PGBD2: variants seen among roughly 807,000 people sequenced by gnomAD.
The protein encoded by PGBD2 is piggyBac transposable element-derived protein 2.
PGBD2 carries 6 observed loss-of-function variants against 8.1 expected under a neutral mutation model. That is an observed-to-expected ratio of 0.74 (90% CI 0.40 to 1.46). The LOEUF (loss-of-function observed/expected upper bound fraction) is 1.46. Among genes scored for constraint, PGBD2 ranks in the 40% most tolerant of loss-of-function variants. The pLI is 0.02. For synonymous variants in PGBD2, 318 were observed against 272.2 expected, an observed-to-expected ratio of 1.17 and a Z score of -1.66; for missense variants, 802 against 739.0, an observed-to-expected ratio of 1.09 and a Z score of -0.99.
At position 248,919,072 on chromosome 1, in the gene PGBD2, G is replaced by C. The variant is rs1202697268; in HGVS notation, c.*709G>C. On this transcript the variant is annotated 3_prime_UTR_variant, in exon 3 of 3. Transcript: ENST00000329291. ...GGGGTATCCATCTTGTCAAACACTT[G>C]TCCTTTGTGTTTCAAACAATCCAAT... The C allele has an allele frequency of 6.0e-6, 1 of 166,902 alleles. No individual in the cohort carries two copies. Among genetic ancestry groups the C allele is most frequent in the Non-Finnish European group, 1.5e-5 (1 of 68,080 alleles). 10.3% of individuals were successfully genotyped at this position (166,902 alleles called of 1,614,324 possible).
At chr1:248,914,912 T>C (rs1371816990) in intron 2 of PGBD2, among the ~76,000 whole-genome samples, 3 of 152,210 alleles carry the variant, frequency 2.0e-5, no homozygotes, top group African/African-American at 7.2e-5. Context: ...CTTGCCGTTC[T>C]GCAGATGTTG....
chr1:248,917,559 T>A lies in PGBD2; in HGVS notation c.975T>A (p.Asp325Glu), dbSNP rs1446338584. ...TTACCAAGCCAGACAGGAGCTTGGA[T>A]CTAGGAGGCAGTATGGTAATAAAAT... is the stretch of plus-strand genomic sequence containing the variant. ...TLFTKPDRSL[D>E]LGGSMVIKFV... is the part of the protein sequence containing the mutation. The change falls in exon 3 of 3, where the codon GAT becomes GAA. Residue 325 changes from aspartate (D) to glutamate (E), a missense_variant. By Grantham distance (45) the Asp-to-Glu change is conservative. Coordinates refer to ENST00000329291, the MANE Select transcript of PGBD2 (RefSeq NM_170725.3). The A allele has an allele frequency of 6.2e-7, 1 of 1,614,126 alleles. No individual in the cohort carries two copies. Among genetic ancestry groups the A allele is most frequent in the South Asian group, 1.1e-5 (1 of 91,086 alleles).
chr1:248,923,319 C>T (rs1479835104), downstream of PGBD2, among the ~76,000 whole-genome samples: 2 of 152,116 alleles, frequency 1.3e-5, no homozygotes, highest in East Asian at 3.8e-4. Flanking sequence ...TATATGCTTT[C>T]TTATTGCGTC....
chr1:248,874,677 C>T, the PGBD2 span, among the ~76,000 whole-genome samples: 1 of 152,132 alleles, frequency 6.6e-6, no homozygotes, highest in Admixed American at 6.5e-5. Flanking sequence ...CGGGTCAGGG[C>T]CGGTCCTAGC....
At chr1:248,877,346 A>G in the PGBD2 span, among the ~76,000 whole-genome samples, 1 of 152,222 alleles carries the variant, frequency 6.6e-6, no homozygotes, top group Non-Finnish European at 1.5e-5. Flanking sequence ...GTTTGTATAT[A>G]TTGTAGCCAA....
At chr1:248,900,860 A>T in the PGBD2 span, among the ~76,000 whole-genome samples, 1 of 152,356 alleles carries the variant, frequency 6.6e-6, no homozygotes, top group African/African-American at 2.4e-5. Flanking sequence ...TCAGCCCAAA[A>T]GCTTGTTAAG....
At chr1:248,874,247 T>G in the PGBD2 span, among the ~76,000 whole-genome samples, 1 of 152,226 alleles carries the variant, frequency 6.6e-6, no homozygotes, top group African/African-American at 2.4e-5. Context: ...GCATCATGTC[T>G]TCCCTGGTGG....
upstream of PGBD2, among the ~76,000 whole-genome samples, chr1:248,902,199 G>A (rs1661545838): frequency 6.6e-6 from 1 of 151,474 alleles, no homozygotes; most frequent in Non-Finnish European, 1.5e-5. Context: ...AACCCAGGAG[G>A]CGAAGGTTGC....
In PGBD2 at chr1:248,917,042, CAATT is replaced by C; in HGVS notation, c.463_466del (p.Asn155SerfsTer17). On this transcript the variant is annotated frameshift_variant, in exon 3 of 3. Transcript: ENST00000329291. LOFTEE classifies it low-confidence loss of function (END_TRUNC). ...TTTGAGTTGTTTTTTGATGAAGGAA[CAATT>C]AATTTCATTGTTAATGAAACCAATC... The C allele has an allele frequency of 6.2e-7, 1 of 1,613,658 alleles. No homozygotes were observed.
chr1:248,878,700 A>T, the PGBD2 span, among the ~76,000 whole-genome samples: 2 of 152,074 alleles, frequency 1.3e-5, no homozygotes, highest in Admixed American at 6.6e-5. Context: ...CCATTGTATA[A>T]CCCATTTATC....
the PGBD2 span, among the ~76,000 whole-genome samples, chr1:248,892,830 T>C: frequency 6.6e-6 from 1 of 152,202 alleles, no homozygotes; most frequent in Non-Finnish European, 1.5e-5. Context: ...GGTTGGAGAC[T>C]CAGGCTAACC....
In PGBD2 at chr1:248,907,251, C is replaced by T. The variant is rs545617986; in HGVS notation, c.-48+909C>T. Among the ~76,000 whole-genome samples, 420 of 152,374 alleles carry T rather than the reference C, an allele frequency of 2.8e-3. 1 individual carries two copies. Among genetic ancestry groups the T allele is most frequent in the African/African-American group, 8.8e-3 (367 of 41,590 alleles). On this transcript the variant is annotated intron_variant, in intron 1 of 2. Coordinates refer to ENST00000329291, the MANE Select transcript of PGBD2 (RefSeq NM_170725.3). Reference sequence around the variant, plus strand: ...GCACGTAGGCCACATTTATGTTTCTCTCTGCCCAAACATTTCAGTGGAATA... The same window carrying T: ...GCACGTAGGCCACATTTATGTTTCTTTCTGCCCAAACATTTCAGTGGAATA...
the PGBD2 span, among the ~76,000 whole-genome samples, chr1:248,880,703 A>G: frequency 1.3e-5 from 2 of 152,344 alleles, no homozygotes; most frequent in East Asian, 3.9e-4. Flanking sequence ...ATATCCAGAT[A>G]AAACTGTTAG....
chr1:248,885,416 C>G, the PGBD2 span, among the ~76,000 whole-genome samples: 1 of 151,892 alleles, frequency 6.6e-6, no homozygotes, highest in African/African-American at 2.4e-5. Context: ...GCTAGGACTA[C>G]AGGTGTGTGA....
At chr1:248,919,604 T>A (rs1662242284), downstream of PGBD2, 1 of 167,004 alleles carries the variant, frequency 6.0e-6, no homozygotes, top group African/African-American at 2.4e-5. Flanking sequence ...GGATGTATAC[T>A]TAGGAATGGG....
At chr1:248,887,260 C>G in the PGBD2 span, among the ~76,000 whole-genome samples, 2 of 152,206 alleles carry the variant, frequency 1.3e-5, no homozygotes, top group African/African-American at 4.8e-5. Flanking sequence ...AGCTTTCTCA[C>G]TAATGTCTAA....
At chr1:248,906,599 A>G (rs1432353641) in intron 1 of PGBD2, 1 of 88,984 alleles carries the variant, frequency 1.1e-5, no homozygotes, top group Non-Finnish European at 2.2e-5. Context: ...GGTGGGGACC[A>G]GGGCGGGGTC....
intron 1 of PGBD2, among the ~76,000 whole-genome samples, chr1:248,907,320 G>A (rs1278796062): frequency 6.6e-6 from 1 of 152,232 alleles, no homozygotes; most frequent in Non-Finnish European, 1.5e-5. Context: ...CTTGCCTCCT[G>A]CCATAGGGCA....
At chr1:248,907,062 C>T (rs1432294364) in intron 1 of PGBD2, among the ~76,000 whole-genome samples, 1 of 152,114 alleles carries the variant, frequency 6.6e-6, no homozygotes, top group Admixed American at 6.5e-5. Flanking sequence ...GGACTTGCAC[C>T]AGCACCGGTC....
Sources: allele counts gnomAD v4.1 joint callset (sites outside exome capture counted in the v4.1 genomes callset), GRCh38; gene constraint gnomAD v4.1.1; transcripts MANE v1.5; gene names NCBI Gene and HGNC (gene_info 2026-07-23, HGNC 2026-07-21).